Variants in AGAP1 observed in about 807,000 individuals in gnomAD.
AGAP1 encodes arf-GAP with GTPase, ANK repeat and PH domain-containing protein 1.
In AGAP1, 29 loss-of-function variants were observed where a neutral mutation model predicts 105.3. The observed-to-expected ratio is 0.28, with a 90% CI of 0.21 to 0.38. AGAP1 has a LOEUF of 0.38. Among genes scored for constraint, AGAP1 ranks in the 10% least tolerant of loss-of-function variants. The pLI, the probability that AGAP1 is intolerant of heterozygous loss-of-function variation, is 1.00. For missense variants in AGAP1, 998 were observed against 1,165.1 expected, an observed-to-expected ratio of 0.86 and a Z score of 2.09; for synonymous variants, 509 against 485.9, an observed-to-expected ratio of 1.05 and a Z score of -0.63.
In AGAP1 at chr2:235,610,096, G is replaced by A. The variant is rs147676969; in HGVS notation, c.164-99083G>A. Among the ~76,000 whole-genome samples, 111 of 152,274 alleles carry A rather than the reference G, an allele frequency of 7.3e-4. No individual in the cohort carries two copies. Among genetic ancestry groups the A allele is most frequent in the African/African-American group, 2.5e-3 (102 of 41,544 alleles). On this transcript the variant is annotated intron_variant, in intron 1 of 17. Coordinates refer to ENST00000304032, the MANE Select transcript of AGAP1 (RefSeq NM_001037131.3). This position sits in a 1 kb window ranked among gnomAD's most constrained non-coding sequence, Gnocchi z 4.9. ...GCAGGGCCAGCACTTTTAGCTCCTA[G>A]TCACAGATATGGTGACAGGCTTGTC... is the stretch of plus-strand genomic sequence containing the variant.
At chr2:235,749,210 T>TTTAAAAAAA (rs1553621044) in intron 5 of AGAP1, among the ~76,000 whole-genome samples, 46 of 148,864 alleles carry the variant, frequency 3.1e-4, no homozygotes, top group African/African-American at 1.1e-3. Flanking sequence ...TCCATCTCAT[T>TTTAAAAAAA]AAAAAAAAAG....
At chr2:235,938,997 G>C (rs908266198) in intron 12 of AGAP1, among the ~76,000 whole-genome samples, 3 of 152,194 alleles carry the variant, frequency 2.0e-5, no homozygotes, top group African/African-American at 7.2e-5. Flanking sequence ...TTTCAGATGC[G>C]CAGCCAGGGT....
chr2:235,736,407 C>T lies in AGAP1; in HGVS notation c.311-4556C>T, dbSNP rs772394506. ...ATAATTGGCAGCAGAGAAGGTTGCA[C>T]ATCACTCATGGCAGATCCATTACAT... On this transcript the variant is annotated intron_variant, in intron 3 of 17. Transcript: ENST00000304032. This position sits in a 1 kb window ranked among gnomAD's most constrained non-coding sequence, Gnocchi z 5.5. Among the ~76,000 whole-genome samples, 2 of 152,148 alleles carry T rather than the reference C, an allele frequency of 1.3e-5. No homozygotes were observed. The highest frequency in any genetic ancestry group is 4.8e-5 in the African/African-American group (2 of 41,434).
chr2:235,807,651 G>A (rs752456530), intron 9 of AGAP1, among the ~76,000 whole-genome samples: 30 of 152,298 alleles, frequency 2.0e-4, no homozygotes, highest in South Asian at 1.0e-3. Flanking sequence ...CGGGCAACAG[G>A]GGTAACTCAG....
In AGAP1 at chr2:236,076,748, A is replaced by G. The variant is rs58848389; in HGVS notation, c.2114+27467A>G. Among the ~76,000 whole-genome samples the G allele has an allele frequency of 0.17, 25,936 of 152,092 alleles. 2,688 individuals are homozygous for G. Among genetic ancestry groups the G allele is most frequent in the East Asian group, 0.36 (1,827 of 5,140 alleles). The stretch of plus-strand genomic sequence containing the variant: ...CTATGAGCATACCTGGCAACAGACC[A>G]CTTCCTAGAGAAATGCCTCCAGTGA... On this transcript the variant is annotated intron_variant, in intron 16 of 17. Coordinates refer to ENST00000304032, the MANE Select transcript of AGAP1 (RefSeq NM_001037131.3). This position sits in a 1 kb window ranked among gnomAD's most constrained non-coding sequence, Gnocchi z 4.4.
chr2:235,682,611 C>T (rs555879279), intron 1 of AGAP1, among the ~76,000 whole-genome samples: 16 of 152,208 alleles, frequency 1.1e-4, no homozygotes, highest in Admixed American at 9.2e-4. Flanking sequence ...TCCCAAAGTG[C>T]TGGGATTATA....
At position 235,757,306 on chromosome 2, in the gene AGAP1, G is replaced by A. The variant is rs150711048; in HGVS notation, c.673+6818G>A. Among the ~76,000 whole-genome samples, 714 of 152,314 alleles carry A rather than the reference G, an allele frequency of 4.7e-3. 22 individuals are homozygous for A. The highest frequency in any genetic ancestry group is 0.038 in the Admixed American group (589 of 15,304). ...CAGTAGGTTCTAGGTGTATGGGAAA[G>A]CTGGGCAGTGGCACTGGAAGGGCGC... is the stretch of plus-strand genomic sequence containing the variant. On this transcript the variant is annotated intron_variant, in intron 6 of 17. Transcript: ENST00000304032.
At chr2:236,079,587 T>C (rs143351550) in intron 16 of AGAP1, among the ~76,000 whole-genome samples, 1 of 151,374 alleles carries the variant, frequency 6.6e-6, no homozygotes, top group South Asian at 2.1e-4. Flanking sequence ...CACACACACA[T>C]ATACATATAC....
intron 1 of AGAP1, among the ~76,000 whole-genome samples, chr2:235,531,161 C>G (rs765951090): frequency 8.1e-4 from 124 of 152,342 alleles, no homozygotes; most frequent in Non-Finnish European, 1.5e-3. Context: ...ACAACTGATT[C>G]TCCTGGTCCA....
intron 1 of AGAP1, among the ~76,000 whole-genome samples, chr2:235,506,221 G>A (rs1283706522): frequency 6.6e-6 from 1 of 152,156 alleles, no homozygotes; most frequent in Non-Finnish European, 1.5e-5. Flanking sequence ...ATGAGCCACT[G>A]TGCCCGGCCC....
At chr2:236,063,017 G>T (rs1158427624) in intron 16 of AGAP1, among the ~76,000 whole-genome samples, 1 of 152,082 alleles carries the variant, frequency 6.6e-6, no homozygotes, top group Non-Finnish European at 1.5e-5. Flanking sequence ...AGGGATCCTG[G>T]CCTCCAGTGA....
chr2:235,613,854 G>A (rs902833618), intron 1 of AGAP1, among the ~76,000 whole-genome samples: 4 of 152,210 alleles, frequency 2.6e-5, no homozygotes, highest in African/African-American at 7.2e-5. Context: ...AATTAACAGT[G>A]AATTAGCATA....
chr2:235,787,533 G>A lies in AGAP1; in HGVS notation c.674-10226G>A, dbSNP rs1348762623. On this transcript the variant is annotated intron_variant, in intron 6 of 17. Coordinates refer to ENST00000304032, the MANE Select transcript of AGAP1 (RefSeq NM_001037131.3). This position sits in a 1 kb window ranked among gnomAD's most constrained non-coding sequence, Gnocchi z 4.4. ...GTGTGCAGGAGGTGGATGTGATGTT[G>A]TGGTTGGTTGGTTGACATTTTCTAG... Among the ~76,000 whole-genome samples, 1 of 152,208 alleles carries A rather than the reference G, an allele frequency of 6.6e-6. No homozygotes were observed. Among genetic ancestry groups the A allele is most frequent in the South Asian group, 2.1e-4 (1 of 4,832 alleles).
intron 1 of AGAP1, chr2:235,671,105 G>A (rs1399649233): frequency 8.0e-7 from 1 of 1,247,870 alleles, no homozygotes; most frequent in East Asian, 3.2e-5. Context: ...GCGTGGTGGG[G>A]ACTTGCCGGT....
chr2:236,068,930 C>T (rs1353760148), intron 16 of AGAP1, among the ~76,000 whole-genome samples: 1 of 151,030 alleles, frequency 6.6e-6, no homozygotes, highest in Non-Finnish European at 1.5e-5. Flanking sequence ...AGATCGAGAC[C>T]ATCCTGGTCA....
intron 6 of AGAP1, among the ~76,000 whole-genome samples, chr2:235,778,347 G>T (rs538501914): frequency 6.6e-6 from 1 of 152,222 alleles, no homozygotes; most frequent in Non-Finnish European, 1.5e-5. Context: ...AGTGCAGCCA[G>T]CAGGGAATTT....
At chr2:235,813,705 C>T (rs1475189290) in intron 9 of AGAP1, among the ~76,000 whole-genome samples, 1 of 152,210 alleles carries the variant, frequency 6.6e-6, no homozygotes, top group Non-Finnish European at 1.5e-5. Context: ...TGTCCACAGG[C>T]AGCCTGTGAC....
At chr2:235,524,577 A>G (rs952895671) in intron 1 of AGAP1, 2 of 186,998 alleles carry the variant, frequency 1.1e-5, no homozygotes, top group African/African-American at 2.4e-5. Context: ...CCCGCCCACC[A>G]TGCCTTCCCC....
At chr2:235,774,914 G>A (rs575521775) in intron 6 of AGAP1, among the ~76,000 whole-genome samples, 7 of 152,134 alleles carry the variant, frequency 4.6e-5, no homozygotes, top group Non-Finnish European at 8.8e-5. Flanking sequence ...CTACAAAAAC[G>A]AAGCCACCAC....
Sources: allele counts gnomAD v4.1 joint callset (sites outside exome capture counted in the v4.1 genomes callset), GRCh38; gene constraint gnomAD v4.1.1; non-coding constraint Gnocchi (gnomAD v3.1); transcripts MANE v1.5; gene names NCBI Gene and HGNC (gene_info 2026-07-23, HGNC 2026-07-21).